RRBP1: variants seen among roughly 807,000 people sequenced by gnomAD.
RRBP1 encodes the protein ribosome-binding protein 1.
Under a neutral mutation model 165.2 loss-of-function variants are expected in RRBP1, and 94 were observed. The observed-to-expected ratio is 0.57, with a 90% CI of 0.48 to 0.68. The LOEUF (loss-of-function observed/expected upper bound fraction) is 0.68, where lower values mean the gene tolerates loss of function less well. Ranked by LOEUF, RRBP1 falls within the 30% of genes least tolerant of loss-of-function variation. RRBP1 has a pLI of 0.00. For synonymous variants in RRBP1, 680 were observed against 714.5 expected (o/e 0.95, Z 0.77); for missense variants, 1,676 against 1,763.0 (o/e 0.95, Z 0.88).
At chr20:17,620,178 A>T (rs2035882469) in intron 18 of RRBP1, 121 bp downstream of exon 18, 2 of 744,766 alleles carry the variant, frequency 2.7e-6, no homozygotes, top group East Asian at 5.0e-5. Context: ...CTTGAGAGAG[A>T]ATGCCTCTCT....
At chr20:17,651,845 C>T (rs898597941) in intron 3 of RRBP1, among the ~76,000 whole-genome samples, 12 of 152,216 alleles carry the variant, frequency 7.9e-5, no homozygotes, top group African/African-American at 2.2e-4. Flanking sequence ...GGTAAAAACC[C>T]GCTGCAGGGC....
At chr20:17,623,732 G>A (rs1480724138) in intron 13 of RRBP1, among the ~76,000 whole-genome samples, 2 of 152,168 alleles carry the variant, frequency 1.3e-5, no homozygotes, top group Non-Finnish European at 2.9e-5. Flanking sequence ...AGGAGTTGGA[G>A]ACCAACCAAG....
rs372329369 is a variant in RRBP1 at position 17,619,693 on chromosome 20, C to T, written c.3615G>A (p.Leu1205=). 1.1e-5 allele frequency: 17 copies of T among 1,613,002 alleles called. No individual in the cohort carries two copies. The highest frequency in any genetic ancestry group is 1.4e-5 in the Non-Finnish European group (16 of 1,179,838). ...REHTSHLEAE[L]EKHMAAASAE... ...CGCTGGCGGCCGCCATGTGCTTTTCCAGCTCTGCCTCCAAATGCGACGTGT... is the reference window on the plus strand; with the variant it reads ...CGCTGGCGGCCGCCATGTGCTTTTCTAGCTCTGCCTCCAAATGCGACGTGT... Residue 1205 remains leucine (L), a synonymous_variant, in exon 19 of 25, where the codon CTG becomes CTA. Coordinates refer to ENST00000377813, the MANE Select transcript of RRBP1 (RefSeq NM_001365613.2).
intron 5 of RRBP1, among the ~76,000 whole-genome samples, chr20:17,636,930 G>A (rs1600744498): frequency 1.3e-5 from 2 of 152,230 alleles, no homozygotes; most frequent in Non-Finnish European, 2.9e-5. Flanking sequence ...AACCCTGCTG[G>A]CCCTGGCCGG....
chr20:17,627,834 T>C, intron 9 of RRBP1, 152 bp from the exon 10 acceptor site: 1 of 684,744 alleles, frequency 1.5e-6, no homozygotes, highest in Non-Finnish European at 2.3e-6. Flanking sequence ...GACATACTAC[T>C]GACCACTGGG....
In RRBP1 at chr20:17,658,939, TTC is replaced by T; in HGVS notation, c.1567_1568del (p.Glu523ArgfsTer32). 1.2e-6 allele frequency: 2 copies of T among 1,612,780 alleles called. No homozygotes were observed. Among genetic ancestry groups the T allele is most frequent in the African/African-American group, 1.3e-5 (1 of 74,990 alleles). On this transcript the variant is annotated frameshift_variant, in exon 3 of 25. Transcript: ENST00000377813. LOFTEE classifies it high-confidence loss of function. Reference sequence around the variant, plus strand: ...TTTCTGCCTTTTTGCCCTGAGCCCCTTCTGTCTTTTTACCCTGATTCTGGGCT... The same window carrying T: ...TTTCTGCCTTTTTGCCCTGAGCCCCTTGTCTTTTTACCCTGATTCTGGGCT... ...EGAQNQGKKT[E>X]GAQGKKAERS...
chr20:17,616,471 G>A (rs930915552), intron 21 of RRBP1, among the ~76,000 whole-genome samples: 1 of 152,170 alleles, frequency 6.6e-6, no homozygotes, highest in African/African-American at 2.4e-5. Context: ...GAGCCCTGTA[G>A]GTGCAGACCC....
At chr20:17,622,726 G>A (rs116262821) in intron 13 of RRBP1, 5,117 of 152,362 alleles carry the variant, frequency 0.034, 92 homozygotes, top group Non-Finnish European at 0.045. Context: ...AGTGTCCCCC[G>A]GGAGAGAGCT....
At chr20:17,621,392 G>C in intron 16 of RRBP1, 66 bp downstream of exon 16, 1 of 1,258,130 alleles carries the variant, frequency 7.9e-7, no homozygotes, top group East Asian at 2.4e-5. Context: ...CTGCCCCATA[G>C]GCCCCGAAGC....
chr20:17,648,896 T>A (rs951521756), intron 3 of RRBP1, among the ~76,000 whole-genome samples: 9 of 152,286 alleles, frequency 5.9e-5, no homozygotes, highest in African/African-American at 2.2e-4. Context: ...CAATTAGGAC[T>A]CTACCTAATG....
intron 21 of RRBP1, among the ~76,000 whole-genome samples, 179 bp from the exon 22 acceptor site, chr20:17,616,188 A>G (rs948656418): frequency 1.3e-5 from 2 of 152,000 alleles, no homozygotes; most frequent in African/African-American, 2.4e-5. Context: ...GTGGCTCAGG[A>G]GCAGCTGATG....
rs2035832902 is a variant in RRBP1 at position 17,617,922 on chromosome 20, G to GGC, written c.3759+672_3759+673dup. 2.6e-5 allele frequency among the ~76,000 whole-genome samples: 4 copies of GGC among 152,352 alleles called. No individual in the cohort carries two copies. The South Asian group carries it at 8.3e-4, about 32-fold the overall frequency. On this transcript the variant is annotated intron_variant, in intron 20 of 24. Transcript: ENST00000377813. Reference sequence around the variant, plus strand: ...GTGCTGCTCACAACACCAGCCTTGGGGCGGTACCAGATCCGGTGAGGCTGG... The same window carrying GGC: ...GTGCTGCTCACAACACCAGCCTTGGGGCGCGGTACCAGATCCGGTGAGGCTGG...
chr20:17,675,718 C>T (rs375365471), intron 2 of RRBP1, among the ~76,000 whole-genome samples: 5 of 152,182 alleles, frequency 3.3e-5, no homozygotes, highest in Admixed American at 6.5e-5. Flanking sequence ...CAGAGGCCAC[C>T]GTGGCTGCAG....
intron 4 of RRBP1, 113 bp downstream of exon 4, chr20:17,642,866 A>G: frequency 8.3e-7 from 1 of 1,200,388 alleles, no homozygotes; most frequent in Non-Finnish European, 1.2e-6. Flanking sequence ...TCTGCCAGGA[A>G]AGAGAAGTGG....
chr20:17,619,632 C>A lies in RRBP1; in HGVS notation c.3675+1G>T. On this transcript the variant is annotated splice_donor_variant, in intron 19 of 24. Coordinates refer to ENST00000377813, the MANE Select transcript of RRBP1 (RefSeq NM_001365613.2). LOFTEE classifies it high-confidence loss of function. ...CTGCACTCCTTGGGGGGCAGACTCA[C>A]CCCTGCCACCTCCTTGGCGTAGTTC... is the stretch of plus-strand genomic sequence containing the variant. 1 of 1,607,428 alleles carries A rather than the reference C, an allele frequency of 6.2e-7. No homozygotes were observed. The highest frequency in any genetic ancestry group is 8.5e-7 in the Non-Finnish European group (1 of 1,176,184).
intron 21 of RRBP1, among the ~76,000 whole-genome samples, chr20:17,616,505 G>A (rs1312546113): frequency 6.6e-6 from 1 of 152,084 alleles, no homozygotes. Flanking sequence ...CCCTCTTCGA[G>A]TCCCACCTCC....
rs963817303 is a variant in RRBP1 at position 17,657,161 on chromosome 20, T to C, written c.1912+1435A>G. Among the ~76,000 whole-genome samples, 4 of 152,342 alleles carry C rather than the reference T, an allele frequency of 2.6e-5. No individual in the cohort carries two copies. In the East Asian group the frequency reaches 5.8e-4, roughly 22 times the overall value. ...CAGCTTTGAATCAAGTGGAACATCA[T>C]GTTAAAGAAAGGGCAGTGCGTCGCC... On this transcript the variant is annotated intron_variant, in intron 3 of 24. Transcript: ENST00000377813.
chr20:17,673,092 G>C (rs143211940), intron 2 of RRBP1, among the ~76,000 whole-genome samples: 75 of 152,324 alleles, frequency 4.9e-4, no homozygotes, highest in African/African-American at 1.8e-3. Flanking sequence ...GCGTAGACTC[G>C]TGATAGTGCA....
In RRBP1 at chr20:17,624,686, GA is replaced by G; in HGVS notation, c.3055-19del. The G allele has an allele frequency of 1.9e-6, 3 of 1,543,062 alleles. No homozygotes were observed. Among genetic ancestry groups the G allele is most frequent in the Non-Finnish European group, 1.8e-6 (2 of 1,136,552 alleles). On this transcript the variant is annotated intron_variant, in intron 12 of 24. Transcript: ENST00000377813. Reference sequence around the variant, plus strand: ...CGGAGGTCCTGGAGGGGACACAGGTGAAAGGTCAGCAGCCTGCACTGGCAGC... The same window carrying G: ...CGGAGGTCCTGGAGGGGACACAGGTGAAGGTCAGCAGCCTGCACTGGCAGC...
Sources: allele counts gnomAD v4.1 joint callset (sites outside exome capture counted in the v4.1 genomes callset), GRCh38; gene constraint gnomAD v4.1.1; transcripts MANE v1.5; gene names NCBI Gene and HGNC (gene_info 2026-07-23, HGNC 2026-07-21).